FRMPD4: variants seen among roughly 807,000 people sequenced by gnomAD.
FRMPD4 encodes the protein FERM and PDZ domain-containing protein 4.
A neutral mutation model predicts 94.1 loss-of-function variants in FRMPD4; 22 were observed. The observed-to-expected ratio is 0.23, with a 90% CI of 0.17 to 0.33. The LOEUF (loss-of-function observed/expected upper bound fraction) is 0.33, where lower values mean the gene tolerates loss of function less well. FRMPD4 is among the 10% of genes least tolerant of loss of function. FRMPD4 has a pLI of 1.00. For synonymous variants in FRMPD4, 631 were observed against 548.6 expected (o/e 1.15, Z -2.10); for missense variants, 1,111 against 1,339.9 (o/e 0.83, Z 2.67).
chrX:12,715,375 G>T (rs1238680510), intron 14 of FRMPD4, among the ~76,000 whole-genome samples: 1 of 111,818 alleles, frequency 8.9e-6, no homozygotes, highest in Non-Finnish European at 1.9e-5. Flanking sequence ...ACAGAGAAAA[G>T]TACGTTACCT....
At chrX:11,841,041 A>G (rs781193501) in intron 1 of FRMPD4, among the ~76,000 whole-genome samples, 3 of 109,084 alleles carry the variant, frequency 2.8e-5, no homozygotes, top group African/African-American at 1.0e-4. Context: ...GATGATTTCC[A>G]ATTTCATCCA....
At chrX:12,026,273 T>G (rs2054660636) in intron 3 of FRMPD4, among the ~76,000 whole-genome samples, 1 of 112,010 alleles carries the variant, frequency 8.9e-6, no homozygotes, top group Non-Finnish European at 1.9e-5. Context: ...CTTCTTTTCC[T>G]TATCAATTTA....
chrX:11,887,365 A>G lies in FRMPD4; in HGVS notation c.95+9347A>G, dbSNP rs1465077. 9.1e-5 allele frequency among the ~76,000 whole-genome samples: 10 copies of G among 110,207 alleles called. No homozygotes were observed. The East Asian group carries it at 1.2e-3, about 13-fold the overall frequency. Reference sequence around the variant, plus strand: ...ACACGGCTAATCACAGACAACCTGCAGGCACCACACCCTGTTCCCACATAC... The same window carrying G: ...ACACGGCTAATCACAGACAACCTGCGGGCACCACACCCTGTTCCCACATAC... On this transcript the variant is annotated intron_variant, in intron 3 of 18. Coordinates refer to the FRMPD4 transcript ENST00000640291.
chrX:11,962,012 G>T (rs1202918491), intron 3 of FRMPD4, among the ~76,000 whole-genome samples: 1 of 112,601 alleles, frequency 8.9e-6, no homozygotes, highest in Non-Finnish European at 1.9e-5. Context: ...ATTGCTAAAA[G>T]CTACTACAAC....
At chrX:12,298,289 C>T (rs1047765321) in intron 1 of FRMPD4, among the ~76,000 whole-genome samples, 1 of 112,332 alleles carries the variant, frequency 8.9e-6, no homozygotes, top group African/African-American at 3.2e-5. Context: ...TCAATGTAAA[C>T]TGTTGTCACA....
In FRMPD4 at chrX:12,232,405, G is replaced by A. The variant is rs150796140; in HGVS notation, c.41+93393G>A. 5.2e-3 allele frequency among the ~76,000 whole-genome samples: 579 copies of A among 111,256 alleles called. 9 individuals are homozygous for A. Among genetic ancestry groups the A allele is most frequent in the African/African-American group, 0.018 (539 of 30,598 alleles). ...AGAGAAGAATGAGAGCTGAGTGAAG[G>A]GGGAAGCCCTTGTAAAACCATTAGA... On this transcript the variant is annotated intron_variant, in intron 1 of 16. Transcript: ENST00000675598.
intron 1 of FRMPD4, among the ~76,000 whole-genome samples, chrX:12,453,585 T>G (rs1035718321): frequency 9.0e-6 from 1 of 111,715 alleles, no homozygotes; most frequent in African/African-American, 3.2e-5. Context: ...AGTTCCGAGT[T>G]ATTTTGATAT....
intron 1 of FRMPD4, among the ~76,000 whole-genome samples, chrX:12,419,760 C>T (rs765826361): frequency 2.7e-5 from 3 of 111,554 alleles, no homozygotes; most frequent in East Asian, 5.7e-4. Context: ...TGTTCTTGAC[C>T]GTTCTTCTGG....
At chrX:12,298,625 T>C (rs1484238754) in intron 1 of FRMPD4, among the ~76,000 whole-genome samples, 1 of 112,338 alleles carries the variant, frequency 8.9e-6, no homozygotes, top group Non-Finnish European at 1.9e-5. Context: ...ACCATTCTCG[T>C]TGCAGGGCTT....
At chrX:12,015,474 A>G (rs1314951289) in intron 3 of FRMPD4, among the ~76,000 whole-genome samples, 1 of 111,646 alleles carries the variant, frequency 9.0e-6, no homozygotes, top group Non-Finnish European at 1.9e-5. Flanking sequence ...CGACTTACCA[A>G]AGCTTGTTAT....
intron 1 of FRMPD4, among the ~76,000 whole-genome samples, chrX:12,255,567 C>T (rs1050549202): frequency 1.9e-4 from 21 of 111,958 alleles, no homozygotes; most frequent in Admixed American, 1.3e-3. Flanking sequence ...ATTCTGTTAT[C>T]GGGCCTTCCT....
intron 1 of FRMPD4, among the ~76,000 whole-genome samples, chrX:12,386,200 G>A (rs988434670): frequency 2.7e-5 from 3 of 112,472 alleles, no homozygotes; most frequent in Non-Finnish European, 3.8e-5. Flanking sequence ...TCTGGAAGGA[G>A]CTCAGTGCAG....
intron 1 of FRMPD4, among the ~76,000 whole-genome samples, chrX:12,269,451 G>A (rs965937634): frequency 9.8e-5 from 11 of 111,972 alleles, no homozygotes; most frequent in Non-Finnish European, 3.8e-5. Context: ...TCAGTTTTTT[G>A]AAACTGGGAT....
At chrX:12,016,724 G>A (rs1409897973) in intron 3 of FRMPD4, among the ~76,000 whole-genome samples, 1 of 112,072 alleles carries the variant, frequency 8.9e-6, no homozygotes, top group African/African-American at 3.2e-5. Context: ...GGAAGGTGAG[G>A]TATATAGGCC....
intron 1 of FRMPD4, among the ~76,000 whole-genome samples, chrX:12,315,595 T>G (rs1278552413): frequency 1.8e-5 from 2 of 111,782 alleles, no homozygotes; most frequent in Non-Finnish European, 3.8e-5. Context: ...TAAAAAAATA[T>G]GCAGATTTTC....
At chrX:12,083,494 G>A (rs1266646869) in intron 3 of FRMPD4, among the ~76,000 whole-genome samples, 1 of 113,025 alleles carries the variant, frequency 8.8e-6, no homozygotes, top group Non-Finnish European at 1.9e-5. Flanking sequence ...GAAGGGAAAT[G>A]TGGGGTCAGA....
intron 4 of FRMPD4, among the ~76,000 whole-genome samples, chrX:12,638,478 C>T (rs1270211808): frequency 9.0e-6 from 1 of 110,897 alleles, no homozygotes; most frequent in African/African-American, 3.3e-5. Flanking sequence ...TCAGGCAGTC[C>T]GCCCACCTCA....
chrX:12,223,345 C>T (rs2056888756), intron 1 of FRMPD4, among the ~76,000 whole-genome samples: 1 of 111,973 alleles, frequency 8.9e-6, no homozygotes, highest in Non-Finnish European at 1.9e-5. Context: ...CAAATTAATG[C>T]AGGAACAGAA....
chrX:12,173,813 C>T (rs1010195231), intron 1 of FRMPD4, among the ~76,000 whole-genome samples: 1 of 111,122 alleles, frequency 9.0e-6, no homozygotes, highest in Non-Finnish European at 1.9e-5. Context: ...CTTGGCCTCT[C>T]GATGTCCTCT....
Sources: allele counts gnomAD v4.1 joint callset (sites outside exome capture counted in the v4.1 genomes callset), GRCh38; gene constraint gnomAD v4.1.1; transcripts MANE v1.5; gene names NCBI Gene and HGNC (gene_info 2026-07-23, HGNC 2026-07-21).